DPYD: variants seen among roughly 807,000 people sequenced by gnomAD.
The protein encoded by DPYD is dihydropyrimidine dehydrogenase [NADP(+)].
Under a neutral mutation model 116.2 loss-of-function variants are expected in DPYD, and 109 were observed. The ratio of observed to expected loss-of-function variants is 0.94; its 90% CI spans 0.80 to 1.10. The LOEUF (loss-of-function observed/expected upper bound fraction) is 1.10, where lower values mean the gene tolerates loss of function less well. Ranked by LOEUF, DPYD falls within the 50% of genes least tolerant of loss-of-function variation. The probability of loss-of-function intolerance (pLI) is 0.00; values close to 1 mark genes in which losing one functional copy is unlikely to be tolerated. For missense variants in DPYD, 1,302 were observed against 1,254.5 expected (o/e 1.04, Z -0.57); for synonymous variants, 440 against 432.0 (o/e 1.02, Z -0.23).
At chr1:97,558,293 T>C (rs1291572835) in intron 11 of DPYD, among the ~76,000 whole-genome samples, 1 of 152,038 alleles carries the variant, frequency 6.6e-6, no homozygotes, top group Non-Finnish European at 1.5e-5. Flanking sequence ...GTCAGCTACT[T>C]CCCCCCAGCA....
intron 19 of DPYD, among the ~76,000 whole-genome samples, chr1:97,219,406 A>G (rs1407510511): frequency 6.6e-6 from 1 of 152,192 alleles, no homozygotes; most frequent in Non-Finnish European, 1.5e-5. Context: ...GATGTGTGTT[A>G]GTCTGATTTT....
chr1:97,078,633 A>G lies in DPYD; in HGVS notation c.*343T>C, dbSNP rs1479437723. On this transcript the variant is annotated 3_prime_UTR_variant, in exon 23 of 23. Transcript: ENST00000370192. ...TTTCACTTACAATTAGAAATCAAAT[A>G]TGGAGCACAGCATAGGGCAATTTGG... The G allele has an allele frequency of 6.8e-6, 2 of 292,174 alleles. No individual in the cohort carries two copies. The highest frequency in any genetic ancestry group is 4.3e-5 in the African/African-American group (2 of 46,020). The allele number at this position is 292,174 out of a possible 1,614,324, so 18.1% of individuals were successfully genotyped here.
chr1:97,275,574 G>A (rs1226931319), intron 18 of DPYD, among the ~76,000 whole-genome samples: 1 of 152,200 alleles, frequency 6.6e-6, no homozygotes, highest in Non-Finnish European at 1.5e-5. Context: ...TTATGAGTAT[G>A]TGAAAGTGGC....
intron 7 of DPYD, among the ~76,000 whole-genome samples, chr1:97,684,874 G>T (rs1033447451): frequency 1.1e-4 from 17 of 152,138 alleles, no homozygotes; most frequent in South Asian, 4.1e-4. Context: ...ACCAAAAAAA[G>T]CTCAGGGCCA....
At chr1:97,672,783 G>A (rs1306746582) in intron 8 of DPYD, among the ~76,000 whole-genome samples, 1 of 151,942 alleles carries the variant, frequency 6.6e-6, no homozygotes, top group Non-Finnish European at 1.5e-5. Context: ...CTTTGTGAAG[G>A]CATGAGAGAT....
chr1:97,100,433 T>C (rs1650584737), intron 20 of DPYD, among the ~76,000 whole-genome samples: 1 of 152,054 alleles, frequency 6.6e-6, no homozygotes, highest in African/African-American at 2.4e-5. Context: ...ATCTCAATCC[T>C]AATCTAATAT....
chr1:97,733,273 T>A (rs548199370), intron 4 of DPYD, among the ~76,000 whole-genome samples: 1 of 152,214 alleles, frequency 6.6e-6, no homozygotes, highest in South Asian at 2.1e-4. Flanking sequence ...ATTTTACTAC[T>A]GAATTTTAAT....
chr1:97,878,090 T>C (rs1672013107), intron 2 of DPYD, among the ~76,000 whole-genome samples: 1 of 151,990 alleles, frequency 6.6e-6, no homozygotes, highest in African/African-American at 2.4e-5. Context: ...GGTTCTCATC[T>C]CACCTCTCAT....
At chr1:97,508,499 T>C (rs993418562) in intron 13 of DPYD, among the ~76,000 whole-genome samples, 7 of 151,932 alleles carry the variant, frequency 4.6e-5, no homozygotes, top group African/African-American at 1.4e-4. Flanking sequence ...AAATTGCACA[T>C]AGAAATATAA....
intron 18 of DPYD, among the ~76,000 whole-genome samples, chr1:97,297,727 G>C (rs1277680479): frequency 1.3e-5 from 2 of 152,114 alleles, no homozygotes; most frequent in African/African-American, 4.8e-5. Flanking sequence ...AACATAACTA[G>C]GTAAATTTGC....
At chr1:97,314,191 T>A (rs1667680153) in intron 16 of DPYD, among the ~76,000 whole-genome samples, 1 of 151,888 alleles carries the variant, frequency 6.6e-6, no homozygotes, top group African/African-American at 2.4e-5. Flanking sequence ...CTGACCATGA[T>A]CCTTTCTGTC....
chr1:97,895,077 G>A lies in DPYD; in HGVS notation c.40-11703C>T, dbSNP rs72979802. 9.3e-3 allele frequency among the ~76,000 whole-genome samples: 1,418 copies of A among 151,818 alleles called. 30 individuals carry two copies. Among genetic ancestry groups the A allele is most frequent in the African/African-American group, 0.032 (1,320 of 41,490 alleles). On this transcript the variant is annotated intron_variant, in intron 1 of 22. Transcript: ENST00000370192. ...ATTGGGTAAGAAAATCTATATTTTA[G>A]CATTTATACTTTTTTTCATTCAAAA...
At chr1:97,590,392 C>T (rs1020071986) in intron 10 of DPYD, among the ~76,000 whole-genome samples, 2 of 152,108 alleles carry the variant, frequency 1.3e-5, no homozygotes. Flanking sequence ...GTGCTGATTC[C>T]CTCCAGTAAA....
chr1:97,405,826 C>G (rs780685205), intron 14 of DPYD, among the ~76,000 whole-genome samples: 2 of 152,058 alleles, frequency 1.3e-5, no homozygotes, highest in African/African-American at 4.8e-5. Context: ...CCTCTTAATA[C>G]TTCAAATATT....
At chr1:97,221,354 C>T (rs141384462) in intron 19 of DPYD, among the ~76,000 whole-genome samples, 90 of 124,962 alleles carry the variant, frequency 7.2e-4, no homozygotes, top group Middle Eastern at 3.7e-3. Context: ...GGTTCCTAGT[C>T]CTACTGGAAA....
In DPYD at chr1:97,450,104, A is replaced by G; in HGVS notation, c.1860T>C (p.Tyr620=). Residue 620 remains tyrosine, a synonymous_variant, in exon 14 of 23, where the codon TAT becomes TAC. Transcript: ENST00000370192. ...TTAGTTCAGTGACACTTTGACACCA[A>G]TATGCAGCCGTTTTCTCACTGATGA... is the stretch of plus-strand genomic sequence containing the variant. ...IELISEKTAA[Y]WCQSVTELKA... is the part of the protein sequence containing the mutation. 1 of 1,614,000 alleles carries G rather than the reference A, an allele frequency of 6.2e-7. No individual in the cohort carries two copies. Among genetic ancestry groups the G allele is most frequent in the Non-Finnish European group, 8.5e-7 (1 of 1,179,920 alleles).
At chr1:97,529,804 CTT>C (rs749584816) in intron 12 of DPYD, among the ~76,000 whole-genome samples, 10 of 126,364 alleles carry the variant, frequency 7.9e-5, no homozygotes, top group Non-Finnish European at 1.5e-4. Flanking sequence ...TTCCCTTTTT[CTT>C]TCTTTCCTTT....
chr1:97,467,992 A>C (rs528978733), intron 13 of DPYD, among the ~76,000 whole-genome samples: 1 of 152,242 alleles, frequency 6.6e-6, no homozygotes, highest in Admixed American at 6.5e-5. Flanking sequence ...GGGGTTGACA[A>C]ACTCCTATGG....
intron 16 of DPYD, among the ~76,000 whole-genome samples, chr1:97,371,633 T>C (rs1480266481): frequency 6.6e-6 from 1 of 152,220 alleles, no homozygotes; most frequent in Non-Finnish European, 1.5e-5. Flanking sequence ...GCACTAATAT[T>C]CTGCCTTCCC....
Sources: allele counts gnomAD v4.1 joint callset (sites outside exome capture counted in the v4.1 genomes callset), GRCh38; gene constraint gnomAD v4.1.1; transcripts MANE v1.5; gene names NCBI Gene and HGNC (gene_info 2026-07-23, HGNC 2026-07-21).